Variants in FAM133A observed in about 807,000 individuals in gnomAD.
FAM133A encodes family with sequence similarity 133 member A.
For missense variants in FAM133A, 159 were observed against 164.4 expected (o/e 0.97, Z 0.18); for synonymous variants, 65 against 58.6 (o/e 1.11, Z -0.50).
chrX:93,677,159 G>A (rs1406367639), intron 2 of FAM133A, among the ~76,000 whole-genome samples: 3 of 108,951 alleles, frequency 2.8e-5, no homozygotes, highest in Admixed American at 9.8e-5. Flanking sequence ...ATTTTTTGGC[G>A]GGGGGGCTAA....
Position 93,678,585 on chromosome X carries a change from T to A in FAM133A, c.-193+3833T>A, listed in dbSNP as rs1439664748. 3.6e-5 allele frequency among the ~76,000 whole-genome samples: 4 copies of A among 112,233 alleles called. No homozygotes were observed. In the South Asian group the frequency reaches 1.5e-3, roughly 41 times the overall value. On this transcript the variant is annotated intron_variant, in intron 2 of 3. Coordinates refer to ENST00000683942, the MANE Select transcript of FAM133A (RefSeq NM_001171109.2). ...AAAGTCACAATTATTTTCTTCCATTTTTTTTAAGTTTTATACTTTTAGGTT... is the reference window on the plus strand; with the variant it reads ...AAAGTCACAATTATTTTCTTCCATTATTTTTAAGTTTTATACTTTTAGGTT...
At chrX:93,703,982 G>A (rs1926886868) in intron 3 of FAM133A, among the ~76,000 whole-genome samples, 2 of 111,732 alleles carry the variant, frequency 1.8e-5, no homozygotes, top group African/African-American at 6.5e-5. Flanking sequence ...ACACTGCACA[G>A]TTTTCTACCA....
chrX:93,697,616 T>C (rs1182582721), intron 2 of FAM133A, among the ~76,000 whole-genome samples: 1 of 110,962 alleles, frequency 9.0e-6, no homozygotes, highest in Non-Finnish European at 1.9e-5. Flanking sequence ...AATTTTCTTA[T>C]CTGTTTCTAC....
chrX:93,674,621 T>C (rs1279358768), intron 1 of FAM133A, 60 bp from the exon 2 acceptor site: 1 of 111,822 alleles, frequency 8.9e-6, no homozygotes, highest in African/African-American at 3.3e-5. Flanking sequence ...TCCAGTAATA[T>C]GTGAATAAAC....
intron 3 of FAM133A, among the ~76,000 whole-genome samples, chrX:93,705,066 T>G (rs746379827): frequency 9.0e-6 from 1 of 111,464 alleles, no homozygotes; most frequent in East Asian, 2.8e-4. Flanking sequence ...GTACTTTTCC[T>G]TCATCTCCCC....
chrX:93,684,546 C>A (rs905838987), intron 2 of FAM133A, among the ~76,000 whole-genome samples: 1 of 111,395 alleles, frequency 9.0e-6, no homozygotes, highest in East Asian at 2.8e-4. Context: ...ATGAAAAAAG[C>A]AAGTTGTGAG....
chrX:93,708,179 A>C (rs907425375), intron 3 of FAM133A, among the ~76,000 whole-genome samples: 2 of 111,861 alleles, frequency 1.8e-5, no homozygotes, highest in Non-Finnish European at 3.8e-5. Context: ...TTGACATTTA[A>C]GCTGAAACCT....
chrX:93,691,225 A>G (rs1239622400), intron 2 of FAM133A, among the ~76,000 whole-genome samples: 1 of 111,263 alleles, frequency 9.0e-6, no homozygotes, highest in East Asian at 2.8e-4. Flanking sequence ...ACCCCAACTC[A>G]TCAAAATATT....
At chrX:93,689,168 A>G (rs759756415) in intron 2 of FAM133A, among the ~76,000 whole-genome samples, 5 of 109,290 alleles carry the variant, frequency 4.6e-5, no homozygotes, top group African/African-American at 1.3e-4. Flanking sequence ...CAGCCTCCCA[A>G]GTAGCTGGGA....
intron 2 of FAM133A, among the ~76,000 whole-genome samples, chrX:93,682,267 G>C (rs1216799331): frequency 2.7e-5 from 3 of 112,174 alleles, no homozygotes; most frequent in Non-Finnish European, 5.6e-5. Flanking sequence ...TGATAACATA[G>C]TGCATGTCCA....
intron 2 of FAM133A, among the ~76,000 whole-genome samples, chrX:93,690,565 T>G (rs1208505294): frequency 6.2e-5 from 7 of 112,229 alleles, no homozygotes; most frequent in Non-Finnish European, 1.3e-4. Context: ...TCTTTTTAAT[T>G]GATGAATACT....
intron 3 of FAM133A, among the ~76,000 whole-genome samples, chrX:93,701,781 C>T (rs990422563): frequency 8.9e-6 from 1 of 111,989 alleles, no homozygotes; most frequent in Non-Finnish European, 1.9e-5. Flanking sequence ...AAAGCATTGA[C>T]ACTGGAACTA....
chrX:93,677,786 C>T (rs1366323862), intron 2 of FAM133A, among the ~76,000 whole-genome samples: 1 of 111,885 alleles, frequency 8.9e-6, no homozygotes, highest in Non-Finnish European at 1.9e-5. Flanking sequence ...AGTAATTATT[C>T]ATTACCTGGC....
In FAM133A at chrX:93,698,437, A is replaced by G. The variant is rs1372325331; in HGVS notation, c.-152A>G. 3.6e-5 allele frequency: 4 copies of G among 111,980 alleles called. No homozygotes were observed. The highest frequency in any genetic ancestry group is 1.3e-4 in the African/African-American group (4 of 30,809). The allele number at this position is 111,980 out of a possible 1,213,427, so 9.2% of individuals were successfully genotyped here. A position where few individuals can be genotyped will look rare whatever the true frequency, so the allele number is the denominator to read the frequency against. ...GGAACCTGGAAAGAAGCAGCTGGAA[A>G]AGGTGAGAGGAAAACCTAGAGTGTG... On this transcript the variant is annotated 5_prime_UTR_variant, in exon 3 of 4. Transcript: ENST00000683942.
intron 2 of FAM133A, among the ~76,000 whole-genome samples, chrX:93,685,321 T>A (rs189753885): frequency 3.7e-4 from 41 of 111,858 alleles, no homozygotes; most frequent in African/African-American, 1.2e-3. Flanking sequence ...TTGAGCCAAT[T>A]TCTACAAATG....
At chrX:93,708,624 C>G (rs1602854828) in intron 3 of FAM133A, among the ~76,000 whole-genome samples, 1 of 111,889 alleles carries the variant, frequency 8.9e-6, no homozygotes, top group African/African-American at 3.2e-5. Context: ...GAAATAGAGA[C>G]AATGATAGGA....
rs1452558039 is a variant in FAM133A, at chrX:93,674,674, T to C, written c.-264-7T>C. The C allele has an allele frequency of 8.9e-6, 1 of 111,742 alleles. No individual in the cohort carries two copies. Among genetic ancestry groups the C allele is most frequent in the Admixed American group, 9.6e-5 (1 of 10,454 alleles). The allele number at this position is 111,742 out of a possible 1,213,427, so 9.2% of individuals were successfully genotyped here. ...TAAAAACGAGTATTTGTTATTTTTA[T>C]TTACAGGATTTTTTTTTCTGCTACA... is the stretch of plus-strand genomic sequence containing the variant. On this transcript the variant is annotated splice_polypyrimidine_tract_variant and splice_region_variant and intron_variant, in intron 1 of 3. Transcript: ENST00000683942.
At chrX:93,708,471 C>A (rs1490278271) in intron 3 of FAM133A, among the ~76,000 whole-genome samples, 2 of 111,732 alleles carry the variant, frequency 1.8e-5, no homozygotes, top group African/African-American at 6.5e-5. Flanking sequence ...TGTAAGGAGA[C>A]AATTTGGTGT....
intron 2 of FAM133A, among the ~76,000 whole-genome samples, chrX:93,684,658 A>G (rs1313897782): frequency 1.8e-5 from 2 of 112,342 alleles, no homozygotes; most frequent in Non-Finnish European, 3.8e-5. Context: ...ATGTCTGACA[A>G]TATATACACC....
Sources: allele counts gnomAD v4.1 joint callset (sites outside exome capture counted in the v4.1 genomes callset), GRCh38; gene constraint gnomAD v4.1.1; transcripts MANE v1.5; gene names NCBI Gene and HGNC (gene_info 2026-07-23, HGNC 2026-07-21).